Variants in POLA1 observed in about 807,000 individuals in gnomAD.
POLA1 encodes the protein DNA polymerase alpha 1, catalytic subunit.
A neutral mutation model predicts 124.0 loss-of-function variants in POLA1; 15 were observed. The observed-to-expected ratio is 0.12, with a 90% confidence interval of 0.08 to 0.19. The LOEUF is 0.19. Ranked by LOEUF, POLA1 falls within the 10% of genes least tolerant of loss-of-function variation. POLA1 has a pLI of 1.00. For missense variants in POLA1, 886 were observed against 1,103.4 expected (o/e 0.80, Z 2.79); for synonymous variants, 408 against 389.4 (o/e 1.05, Z -0.56).
chrX:24,800,768 G>T (rs1371945602), intron 26 of POLA1, among the ~76,000 whole-genome samples: 1 of 112,166 alleles, frequency 8.9e-6, no homozygotes, highest in African/African-American at 3.2e-5. Context: ...TGAATAAATA[G>T]TCATGCTGGG....
chrX:24,720,017 G>A (rs1452171810), intron 10 of POLA1, among the ~76,000 whole-genome samples: 1 of 110,472 alleles, frequency 9.1e-6, no homozygotes, highest in African/African-American at 3.3e-5. Flanking sequence ...AATCCTCAGT[G>A]GCTACTGCCT....
chrX:24,892,989 C>T (rs1003307808), intron 35 of POLA1, among the ~76,000 whole-genome samples: 7 of 111,776 alleles, frequency 6.3e-5, no homozygotes, highest in African/African-American at 2.0e-4. Flanking sequence ...GGACTTCTGT[C>T]CTTAAAGGGA....
intron 36 of POLA1, among the ~76,000 whole-genome samples, chrX:24,949,683 A>T (rs73471566): frequency 0.043 from 4,557 of 107,075 alleles, 243 homozygotes; most frequent in African/African-American, 0.15. Context: ...TTACTAGCTA[A>T]CCTGTTTATG....
At chrX:24,732,608 T>G (rs1195727693) in intron 16 of POLA1, among the ~76,000 whole-genome samples, 154 bp downstream of exon 16, 5 of 107,940 alleles carry the variant, frequency 4.6e-5, no homozygotes, top group African/African-American at 6.7e-5. Context: ...TGTTTTTTTT[T>G]TTTTTGCCAT....
rs1303216776 is a variant in POLA1, at chrX:24,717,378, A to G, written c.795A>G (p.Glu265=). Residue 265 remains glutamate (E), a synonymous_variant, in exon 9 of 37, where the codon GAA becomes GAG. Transcript: ENST00000379068. ...FEDGDFDEPM[E]VEEVDLEPMA... is the part of the protein sequence containing the mutation. ...ATGGTGACTTTGATGAGCCCATGGAAGTTGAAGAGGTGGACCTGGAGCCTA... is the reference window on the plus strand; with the variant it reads ...ATGGTGACTTTGATGAGCCCATGGAGGTTGAAGAGGTGGACCTGGAGCCTA... 4.1e-6 allele frequency: 5 copies of G among 1,209,000 alleles called. No homozygotes were observed. The South Asian group carries it at 5.3e-5, about 13-fold the overall frequency.
At chrX:24,977,050 C>T (rs978835601) in intron 36 of POLA1, among the ~76,000 whole-genome samples, 2 of 112,319 alleles carry the variant, frequency 1.8e-5, no homozygotes, top group Non-Finnish European at 3.8e-5. Flanking sequence ...GAGCTGATGA[C>T]CCTCGCGGCC....
At chrX:24,727,507 C>T (rs1016741875) in intron 14 of POLA1, among the ~76,000 whole-genome samples, 3 of 111,728 alleles carry the variant, frequency 2.7e-5, no homozygotes, top group African/African-American at 9.8e-5. Context: ...GGCAGTGTTT[C>T]AGTTTTTTTA....
chrX:24,739,859 A>G (rs961929669), intron 20 of POLA1, among the ~76,000 whole-genome samples: 5 of 112,088 alleles, frequency 4.5e-5, no homozygotes, highest in African/African-American at 1.6e-4. Flanking sequence ...AAACTGAGCA[A>G]TCATTAAGTT....
At chrX:24,700,235 A>G (rs1224138123) in intron 2 of POLA1, among the ~76,000 whole-genome samples, 1 of 109,957 alleles carries the variant, frequency 9.1e-6, no homozygotes, top group Non-Finnish European at 1.9e-5. Context: ...GTGTTTACCA[A>G]TGTGTTTATT....
At chrX:24,861,307 A>G (rs1288825053) in intron 34 of POLA1, among the ~76,000 whole-genome samples, 2 of 111,201 alleles carry the variant, frequency 1.8e-5, no homozygotes, top group Non-Finnish European at 3.8e-5. Context: ...TAATTTTTGT[A>G]TTTTTGTAGA....
At chrX:24,904,596 C>T (rs377014821) in intron 35 of POLA1, among the ~76,000 whole-genome samples, 7 of 110,950 alleles carry the variant, frequency 6.3e-5, no homozygotes, top group African/African-American at 2.3e-4. Flanking sequence ...GGAGTACAGT[C>T]ACAAAAATAC....
In POLA1 at chrX:24,938,741, G is replaced by T. The variant is rs774897293; in HGVS notation, c.4261+8192G>T. ...GGCAGCATGCAGCCTGCTAACACTGGTTTATTTTTCTCTATGGATACTGCC... is the reference window on the plus strand; with the variant it reads ...GGCAGCATGCAGCCTGCTAACACTGTTTTATTTTTCTCTATGGATACTGCC... On this transcript the variant is annotated intron_variant, in intron 36 of 36. Transcript: ENST00000379068. 2.7e-5 allele frequency among the ~76,000 whole-genome samples: 3 copies of T among 112,458 alleles called. No individual in the cohort carries two copies. The East Asian group carries it at 8.4e-4, about 31-fold the overall frequency.
intron 26 of POLA1, among the ~76,000 whole-genome samples, chrX:24,782,300 T>C (rs1196207179): frequency 1.8e-5 from 2 of 112,109 alleles, no homozygotes; most frequent in African/African-American, 3.2e-5. Context: ...AGGACACACC[T>C]GCCACAGAGA....
intron 4 of POLA1, among the ~76,000 whole-genome samples, chrX:24,709,500 C>T (rs1260997020): frequency 7.3e-5 from 8 of 109,505 alleles, no homozygotes; most frequent in African/African-American, 2.3e-4. Context: ...ACCCCCCCCA[C>T]CTCCCTCCCG....
At chrX:24,729,349 C>T (rs186369657) in intron 15 of POLA1, among the ~76,000 whole-genome samples, 40 of 111,463 alleles carry the variant, frequency 3.6e-4, no homozygotes, top group African/African-American at 1.0e-3. Flanking sequence ...CAGATGTCCC[C>T]GGGTCAGGGG....
At chrX:24,833,470 C>G (rs2046297888) in intron 32 of POLA1, among the ~76,000 whole-genome samples, 1 of 112,250 alleles carries the variant, frequency 8.9e-6, no homozygotes, top group African/African-American at 3.2e-5. Flanking sequence ...TTTAAGGAAT[C>G]TCCACACTGT....
rs11573309 is a variant in POLA1 at position 24,700,261 on chromosome X, A to G, written c.168+712A>G. 8.5e-3 allele frequency among the ~76,000 whole-genome samples: 939 copies of G among 110,629 alleles called. 3 individuals are homozygous for G. The highest frequency in any genetic ancestry group is 0.014 in the Admixed American group (142 of 10,324). ...TGTGTTTATTCATTTAATCTTTTCAATAACCAAATGAAATTAGATACTATG... is the reference window on the plus strand; with the variant it reads ...TGTGTTTATTCATTTAATCTTTTCAGTAACCAAATGAAATTAGATACTATG... On this transcript the variant is annotated intron_variant, in intron 2 of 36. Coordinates refer to ENST00000379068, the MANE Select transcript of POLA1 (RefSeq NM_001330360.2).
chrX:24,917,836 A>G (rs778836886), intron 35 of POLA1, among the ~76,000 whole-genome samples: 1 of 112,010 alleles, frequency 8.9e-6, no homozygotes, highest in East Asian at 2.8e-4. Context: ...TCTTAATGAA[A>G]TAGGAGGATA....
At chrX:24,741,316 T>C in intron 20 of POLA1, 59 bp from the exon 21 acceptor site, 1 of 941,982 alleles carries the variant, frequency 1.1e-6, no homozygotes, top group Non-Finnish European at 1.5e-6. Flanking sequence ...GAAGTTCTGA[T>C]TATAGGCATT....
Sources: allele counts gnomAD v4.1 joint callset (sites outside exome capture counted in the v4.1 genomes callset), GRCh38; gene constraint gnomAD v4.1.1; transcripts MANE v1.5; gene names NCBI Gene and HGNC (gene_info 2026-07-23, HGNC 2026-07-21).